The following PCDHGA8 variants were observed in gnomAD, a reference collection of about 807,000 sequenced individuals.
The protein encoded by PCDHGA8 is protocadherin gamma subfamily A, 8.
In PCDHGA8, 45 loss-of-function variants were observed where a neutral mutation model predicts 59.2. The ratio of observed to expected loss-of-function variants is 0.76; its 90% CI spans 0.60 to 0.98. PCDHGA8 has a LOEUF of 0.98. PCDHGA8 is among the 50% of genes least tolerant of loss of function. The pLI, the probability that PCDHGA8 is intolerant of heterozygous loss-of-function variation, is 0.00. For synonymous variants in PCDHGA8, 531 were observed against 519.0 expected (o/e 1.02, Z -0.32); for missense variants, 1,257 against 1,196.2 (o/e 1.05, Z -0.75).
At position 141,487,249 on chromosome 5, in the gene PCDHGA8, C is replaced by T. The variant is rs757148469; in HGVS notation, c.2425-7558C>T. ...AAGGAGAATCTCGTCTAACCCTCTACTTGGCTGTGTCCCTAGTGGCAATTT... is the reference window on the plus strand; with the variant it reads ...AAGGAGAATCTCGTCTAACCCTCTATTTGGCTGTGTCCCTAGTGGCAATTT... On this transcript the variant is annotated intron_variant, in intron 1 of 3. Coordinates refer to ENST00000398604, the MANE Select transcript of PCDHGA8 (RefSeq NM_032088.2). The surrounding 1 kb of genome is among the most constrained non-coding windows in gnomAD (Gnocchi z 5.0). 2.5e-6 allele frequency: 4 copies of T among 1,614,164 alleles called. No homozygotes were observed. In the South Asian group the frequency reaches 4.4e-5, roughly 18 times the overall value.
Position 141,405,226 on chromosome 5 carries a change from C to A in PCDHGA8, c.2424+9989C>A, listed in dbSNP as rs756970325. ...TACAGACCTATTCTCAGGAGTTCTCCCTCACCGCTGACTCAAGGAAGAGTC... is the reference window on the plus strand; with the variant it reads ...TACAGACCTATTCTCAGGAGTTCTCACTCACCGCTGACTCAAGGAAGAGTC... On this transcript the variant is annotated intron_variant, in intron 1 of 3. Coordinates refer to ENST00000398604, the MANE Select transcript of PCDHGA8 (RefSeq NM_032088.2). 3.1e-6 allele frequency: 5 copies of A among 1,614,052 alleles called. No individual in the cohort carries two copies. The East Asian group carries it at 1.1e-4, about 36-fold the overall frequency.
chr5:141,400,636 G>T (rs1478195116), intron 1 of PCDHGA8: 4 of 1,325,644 alleles, frequency 3.0e-6, no homozygotes, highest in Non-Finnish European at 4.2e-6. Context: ...AGTCAGAGCT[G>T]CTCAGAAAGC....
intron 1 of PCDHGA8, among the ~76,000 whole-genome samples, chr5:141,472,869 C>T (rs919331906): frequency 6.6e-6 from 1 of 151,388 alleles, no homozygotes; most frequent in Non-Finnish European, 1.5e-5. Context: ...GCCTGTATTC[C>T]CAGCTACTCG....
At chr5:141,502,488 T>A (rs1273845698) in intron 2 of PCDHGA8, among the ~76,000 whole-genome samples, 1 of 152,236 alleles carries the variant, frequency 6.6e-6, no homozygotes, top group Non-Finnish European at 1.5e-5. Context: ...ACACTGGGAC[T>A]CATCTAACGT....
chr5:141,477,263 G>A lies in PCDHGA8; in HGVS notation c.2425-17544G>A, dbSNP rs543767777. 1.4e-5 allele frequency: 23 copies of A among 1,614,192 alleles called. No individual in the cohort carries two copies. The highest frequency in any genetic ancestry group is 1.8e-5 in the Non-Finnish European group (21 of 1,180,046). On this transcript the variant is annotated intron_variant, in intron 1 of 3. Transcript: ENST00000398604. The surrounding 1 kb of genome is among the most constrained non-coding windows in gnomAD (Gnocchi z 4.9). The stretch of plus-strand genomic sequence containing the variant: ...CAGTGTGACTGACCTGGATGCTGGC[G>A]AGAACGGGCTGGTGACCTGCGAAGT...
intron 1 of PCDHGA8, chr5:141,433,247 G>A (rs1393219042): frequency 2.8e-6 from 4 of 1,447,840 alleles, no homozygotes; most frequent in Non-Finnish European, 3.8e-6. Context: ...AAGCTGGAAT[G>A]CAGCGGTACG....
chr5:141,414,644 A>C lies in PCDHGA8; in HGVS notation c.2424+19407A>C, dbSNP rs1310121141. 6.2e-7 allele frequency: 1 copy of C among 1,613,982 alleles called. No individual in the cohort carries two copies. Among genetic ancestry groups the C allele is most frequent in the Non-Finnish European group, 8.5e-7 (1 of 1,179,894 alleles). ...GACCCGGACAGCAAAGAGAATGCCC[A>C]GATTATTTACTCCCTGGCTGAAGAC... On this transcript the variant is annotated intron_variant, in intron 1 of 3. Transcript: ENST00000398604.
intron 1 of PCDHGA8, among the ~76,000 whole-genome samples, chr5:141,484,685 T>G (rs2099599013): frequency 6.6e-6 from 1 of 151,934 alleles, no homozygotes; most frequent in Non-Finnish European, 1.5e-5. Flanking sequence ...TTGCTAGGGC[T>G]CAGGCTGTGG....
At chr5:141,441,890 T>C (rs967557692) in intron 1 of PCDHGA8, 18 of 348,170 alleles carry the variant, frequency 5.2e-5, no homozygotes, top group Non-Finnish European at 7.2e-5. Flanking sequence ...GTCACCAAGG[T>C]GGTGGCTGTA....
intron 1 of PCDHGA8, chr5:141,410,052 T>C: frequency 6.2e-7 from 1 of 1,613,122 alleles, no homozygotes; most frequent in Non-Finnish European, 8.5e-7. Context: ...CCCGGACTCT[T>C]CAGCCTGGGG....
At chr5:141,397,871 C>G (rs2093579938) in intron 1 of PCDHGA8, 6 of 574,628 alleles carry the variant, frequency 1.0e-5, no homozygotes, top group Non-Finnish European at 1.8e-5. Flanking sequence ...AGTGCTGACT[C>G]TGGGCGCCGC....
chr5:141,480,065 A>G (rs2099511928), intron 1 of PCDHGA8, among the ~76,000 whole-genome samples: 1 of 152,220 alleles, frequency 6.6e-6, no homozygotes, highest in Non-Finnish European at 1.5e-5. Flanking sequence ...TAAGTGTTTT[A>G]TAAGATTCAT....
chr5:141,439,470 T>C (rs1357441747), intron 1 of PCDHGA8, among the ~76,000 whole-genome samples: 1 of 152,220 alleles, frequency 6.6e-6, no homozygotes, highest in African/African-American at 2.4e-5. Flanking sequence ...CTGCTGCCTT[T>C]CAGCTTGCAA....
At chr5:141,398,818 C>G in intron 1 of PCDHGA8, 1 of 1,613,958 alleles carries the variant, frequency 6.2e-7, no homozygotes. Flanking sequence ...GCTCCGGATC[C>G]AGGTAACCGA....
intron 1 of PCDHGA8, chr5:141,423,483 A>G (rs767321755): frequency 1.9e-6 from 3 of 1,613,974 alleles, no homozygotes; most frequent in Middle Eastern, 3.3e-4. Flanking sequence ...CTTTCCTGCA[A>G]ACCTATTCCC....
intron 1 of PCDHGA8, chr5:141,416,674 G>T (rs547618174): frequency 6.6e-6 from 1 of 152,132 alleles, no homozygotes; most frequent in Non-Finnish European, 1.5e-5. Context: ...TATATGCAAC[G>T]AAGGGAAATT....
intron 1 of PCDHGA8, among the ~76,000 whole-genome samples, chr5:141,450,832 T>TTATTA (rs764784095): frequency 5.6e-5 from 8 of 142,316 alleles, no homozygotes; most frequent in African/African-American, 2.2e-4. Context: ...TATTATTATT[T>TTATTA]TTTTTTTTTT....
At chr5:141,478,940 T>C in intron 1 of PCDHGA8, 2 of 584,636 alleles carry the variant, frequency 3.4e-6, no homozygotes, top group South Asian at 2.7e-5. Flanking sequence ...CTTCTAGGAA[T>C]ACAAAAACTA....
At position 141,394,494 on chromosome 5, in the gene PCDHGA8, G is replaced by A. The variant is rs771645801; in HGVS notation, c.1681G>A (p.Glu561Lys). 4 of 1,614,200 alleles carry A rather than the reference G, an allele frequency of 2.5e-6. No individual in the cohort carries two copies. Among genetic ancestry groups the A allele is most frequent in the Non-Finnish European group, 1.7e-6 (2 of 1,180,032 alleles). Reference sequence around the variant, plus strand: ...GCTGGACCAGAATGACAACGCGCCCGAGATCCTGTACCCCGCCCTCCCCAC... The same window carrying A: ...GCTGGACCAGAATGACAACGCGCCCAAGATCCTGTACCCCGCCCTCCCCAC... ...FVLDQNDNAPEILYPALPTDG... is the reference protein window; with the variant it reads ...FVLDQNDNAPKILYPALPTDG... Residue 561 changes from glutamate (E) to lysine (K), a missense_variant, in exon 1 of 4, where the codon GAG becomes AAG. Coordinates refer to ENST00000398604, the MANE Select transcript of PCDHGA8 (RefSeq NM_032088.2).
Sources: gnomAD v4.1 joint callset for allele counts (sites outside exome capture counted in the v4.1 genomes callset) on GRCh38, gnomAD v4.1.1 for gene constraint, Gnocchi (gnomAD v3.1) non-coding constraint, MANE v1.5 for transcripts, NCBI Gene and HGNC (gene_info 2026-07-23, HGNC 2026-07-21) for gene names.